NLRC5: variants seen among roughly 807,000 people sequenced by gnomAD.
NLRC5 encodes protein NLRC5.
NLRC5 carries 114 observed loss-of-function variants against 206.9 expected under a neutral mutation model. The ratio of observed to expected loss-of-function variants is 0.55; its 90% CI spans 0.47 to 0.64. NLRC5 has a LOEUF of 0.64. NLRC5 is among the 30% of genes least tolerant of loss of function. The pLI is 0.00. For synonymous variants in NLRC5, 952 were observed against 962.8 expected, an observed-to-expected ratio of 0.99 and a Z score of 0.21; for missense variants, 2,008 against 2,305.5, an observed-to-expected ratio of 0.87 and a Z score of 2.64.
intron 1 of NLRC5, among the ~76,000 whole-genome samples, chr16:56,993,106 T>C (rs1167293085): frequency 6.8e-6 from 1 of 146,206 alleles, no homozygotes; most frequent in Admixed American, 6.9e-5. Context: ...CATATATATA[T>C]ACACGTATAT....
At chr16:57,053,628 A>G (rs1222666408) in intron 24 of NLRC5, among the ~76,000 whole-genome samples, 1 of 152,314 alleles carries the variant, frequency 6.6e-6, no homozygotes, top group Middle Eastern at 3.4e-3. Context: ...TCCCAGGTTC[A>G]GGCAATTCTT....
chr16:57,043,923 A>T (rs908644260), intron 20 of NLRC5: 2 of 364,786 alleles, frequency 5.5e-6, no homozygotes, highest in Non-Finnish European at 1.0e-5. Context: ...ATTATACTTT[A>T]AGTTCTAGGG....
At chr16:57,070,908 A>G (rs1396473486) in intron 38 of NLRC5, among the ~76,000 whole-genome samples, 8 of 70,844 alleles carry the variant, frequency 1.1e-4, no homozygotes, top group African/African-American at 1.9e-4. Flanking sequence ...GTGAGTGGTG[A>G]TGGTGGTTAA....
At position 57,026,984 on chromosome 16, in the gene NLRC5, G is replaced by T; in HGVS notation, c.2041G>T (p.Ala681Ser). 2 of 1,614,142 alleles carry T rather than the reference G, an allele frequency of 1.2e-6. No homozygotes were observed. The highest frequency in any genetic ancestry group is 1.7e-6 in the Non-Finnish European group (2 of 1,180,004). The change falls in exon 6 of 49, where the codon GCT (alanine) becomes TCT (serine). Residue 681 changes from alanine (A) to serine (S), a missense_variant. Ala to Ser is a moderately conservative substitution (Grantham distance 99, BLOSUM62 1). Coordinates refer to ENST00000688547, the MANE Select transcript of NLRC5 (RefSeq NM_001384950.1). ...GCPLEPHCPE[A>S]LVGCGQIENL... ...TCCCCTGGAGCCCCACTGCCCTGAGGCTCTGGTAGGCTGTGGGCAGATAGA... is the reference window on the plus strand; with the variant it reads ...TCCCCTGGAGCCCCACTGCCCTGAGTCTCTGGTAGGCTGTGGGCAGATAGA...
intron 38 of NLRC5, 67 bp from the exon 39 acceptor site, chr16:57,074,533 T>C: frequency 1.4e-6 from 2 of 1,424,268 alleles, no homozygotes; most frequent in Non-Finnish European, 2.0e-6. Flanking sequence ...CACAGAGGCC[T>C]CAGACCCCCA....
intron 17 of NLRC5, chr16:57,041,264 T>A: frequency 1.8e-6 from 1 of 540,904 alleles, no homozygotes. Context: ...CTTGGTTTCC[T>A]TCCATCTGTG....
intron 32 of NLRC5, among the ~76,000 whole-genome samples, chr16:57,064,199 T>G (rs1445994361): frequency 6.6e-6 from 1 of 151,844 alleles, no homozygotes; most frequent in African/African-American, 2.4e-5. Flanking sequence ...AAACCCCATA[T>G]CTACAAAAAA....
intron 1 of NLRC5, among the ~76,000 whole-genome samples, chr16:56,997,678 A>T (rs1330682073): frequency 6.6e-6 from 1 of 151,942 alleles, no homozygotes; most frequent in Non-Finnish European, 1.5e-5. Flanking sequence ...GGCTCAAGTG[A>T]TCCTCCCACC....
At position 57,031,440 on chromosome 16, in the gene NLRC5, A is replaced by G; in HGVS notation, c.2454A>G (p.Thr818=). The change falls in exon 11 of 49, where the codon ACA becomes ACG. Residue 818 remains threonine, a synonymous_variant. Coordinates refer to ENST00000688547, the MANE Select transcript of NLRC5 (RefSeq NM_001384950.1). ...ADLIFLLSPP[T]ETTAELQRAP... The stretch of plus-strand genomic sequence containing the variant: ...TCATCTTCCTTCTTTCCCCGCCCAC[A>G]GAGACAACTGCAGAGCTACAAAGGT... 6.2e-7 allele frequency: 1 copy of G among 1,613,870 alleles called. No individual in the cohort carries two copies. The highest frequency in any genetic ancestry group is 8.5e-7 in the Non-Finnish European group (1 of 1,179,952).
intron 15 of NLRC5, 40 bp downstream of exon 15, chr16:57,037,324 C>CAT: frequency 6.5e-7 from 1 of 1,542,308 alleles, no homozygotes; most frequent in South Asian, 1.1e-5. Flanking sequence ...TCCCCCCCCC[C>CAT]ATCATGCTCT....
rs550913969 is a variant in NLRC5, at chr16:57,026,161, C to T, written c.1218C>T (p.Pro406=). The T allele has an allele frequency of 2.8e-5, 45 of 1,613,930 alleles. No individual in the cohort carries two copies. Among genetic ancestry groups the T allele is most frequent in the African/African-American group, 4.0e-5 (3 of 75,048 alleles). The change falls in exon 6 of 49, where the codon CCC becomes CCT. Residue 406 remains proline (P), a synonymous_variant. Coordinates refer to ENST00000688547, the MANE Select transcript of NLRC5 (RefSeq NM_001384950.1). ...GTCTCCGAAGCCTGTGTGCGGTGCC[C>T]GCACTGTGCCAAGTCGCCTGTCTCT... ...NGRLRSLCAV[P]ALCQVACLCL... is the part of the protein sequence containing the mutation.
intron 1 of NLRC5, among the ~76,000 whole-genome samples, chr16:57,009,141 A>G (rs1422525724): frequency 6.6e-6 from 1 of 151,728 alleles, no homozygotes; most frequent in African/African-American, 2.4e-5. Flanking sequence ...AAATACAAAA[A>G]TTAGCTGGCT....
intron 26 of NLRC5, 80 bp from the exon 27 acceptor site, chr16:57,055,353 T>C: frequency 7.6e-7 from 1 of 1,323,352 alleles, no homozygotes. Context: ...CCAGAGGCTG[T>C]GCCCTGGGCT....
chr16:57,011,888 A>G (rs2059548090), intron 1 of NLRC5, among the ~76,000 whole-genome samples: 2 of 152,232 alleles, frequency 1.3e-5, no homozygotes, highest in African/African-American at 4.8e-5. Context: ...TATTTTTAAC[A>G]ACTTCATTGA....
intron 23 of NLRC5, among the ~76,000 whole-genome samples, chr16:57,050,570 G>C (rs1267187937): frequency 6.6e-6 from 1 of 152,224 alleles, no homozygotes; most frequent in Non-Finnish European, 1.5e-5. Context: ...TTGGGAAGTG[G>C]CTCCAGGCCC....
Position 57,036,128 on chromosome 16 carries a change from G to A in NLRC5, c.2656G>A (p.Gly886Ser). The A allele has an allele frequency of 4.3e-6, 7 of 1,613,708 alleles. No individual in the cohort carries two copies. Among genetic ancestry groups the A allele is most frequent in the Non-Finnish European group, 5.1e-6 (6 of 1,180,026 alleles). ...DLSGNQLEDE[G>S]CRLMAEAASQ... ...CTCAGGGAACCAGCTGGAAGATGAAGGCTGTCGGCTGATGGCAGAGGCTGC... is the reference window on the plus strand; with the variant it reads ...CTCAGGGAACCAGCTGGAAGATGAAAGCTGTCGGCTGATGGCAGAGGCTGC... The change falls in exon 14 of 49, where the codon GGC (glycine) becomes AGC (serine). Residue 886 changes from glycine (G) to serine (S), a missense_variant. Physicochemically the swap from Gly to Ser is moderately conservative, Grantham distance 56. Coordinates refer to ENST00000688547, the MANE Select transcript of NLRC5 (RefSeq NM_001384950.1).
At chr16:57,024,845 A>T (rs1262409747) in intron 5 of NLRC5, among the ~76,000 whole-genome samples, 1 of 152,176 alleles carries the variant, frequency 6.6e-6, no homozygotes. Context: ...CCTTGTCTCT[A>T]CTAAAAATAC....
intron 48 of NLRC5, 136 bp from the exon 49 acceptor site, chr16:57,082,281 T>C: frequency 1.6e-6 from 1 of 618,788 alleles, no homozygotes; most frequent in East Asian, 2.9e-5. Flanking sequence ...AGGTCAGCTA[T>C]GCTGGTCTAA....
chr16:57,071,405 G>A (rs1375570367), intron 38 of NLRC5, among the ~76,000 whole-genome samples: 3 of 143,252 alleles, frequency 2.1e-5, no homozygotes, highest in African/African-American at 7.8e-5. Flanking sequence ...ATGGGGAAGT[G>A]TTGTGAGTGA....
Sources: allele counts gnomAD v4.1 joint callset (sites outside exome capture counted in the v4.1 genomes callset), GRCh38; gene constraint gnomAD v4.1.1; transcripts MANE v1.5; gene names NCBI Gene and HGNC (gene_info 2026-07-23, HGNC 2026-07-21).